Variants in DCC observed in about 807,000 individuals in gnomAD.
DCC encodes DCC netrin 1 receptor, also known as netrin receptor DCC.
In DCC, 58 loss-of-function variants were observed where a neutral mutation model predicts 172.5. The ratio of observed to expected loss-of-function variants is 0.34; its 90% CI spans 0.27 to 0.42. The LOEUF is 0.42. Among genes scored for constraint, DCC ranks in the 10% least tolerant of loss-of-function variants. The pLI, the probability that DCC is intolerant of heterozygous loss-of-function variation, is 1.00. For synonymous variants in DCC, 709 were observed against 644.5 expected, an observed-to-expected ratio of 1.10 and a Z score of -1.52; for missense variants, 1,740 against 1,791.0, an observed-to-expected ratio of 0.97 and a Z score of 0.51.
intron 2 of DCC, among the ~76,000 whole-genome samples, chr18:52,885,358 G>A (rs1205296039): frequency 6.6e-6 from 1 of 151,952 alleles, no homozygotes; most frequent in African/African-American, 2.4e-5. Flanking sequence ...GGTTAAGCTG[G>A]CACTCAAACC....
chr18:53,257,605 T>TCG (rs1236845160), intron 12 of DCC, among the ~76,000 whole-genome samples: 3 of 152,230 alleles, frequency 2.0e-5, no homozygotes, highest in Non-Finnish European at 2.9e-5. Context: ...GCTGCTGGAT[T>TCG]TGGTTTGCCA....
chr18:52,397,433 C>A (rs906572993), intron 1 of DCC, among the ~76,000 whole-genome samples: 1 of 152,184 alleles, frequency 6.6e-6, no homozygotes, highest in Admixed American at 6.6e-5. Flanking sequence ...CATTCGCTGA[C>A]TGCACAGATA....
At chr18:53,157,562 T>G (rs1290891110) in intron 8 of DCC, 50 bp downstream of exon 8, 1 of 1,594,334 alleles carries the variant, frequency 6.3e-7, no homozygotes, top group Non-Finnish European at 8.6e-7. Context: ...TCTCTTTAAG[T>G]CAATACGGTT....
chr18:52,846,144 C>A (rs2145328894), intron 2 of DCC, among the ~76,000 whole-genome samples: 1 of 152,296 alleles, frequency 6.6e-6, no homozygotes, highest in Non-Finnish European at 1.5e-5. Context: ...ATGAACTCCT[C>A]TCACAGGAAG....
chr18:52,358,282 G>C (rs10853619), intron 1 of DCC, among the ~76,000 whole-genome samples: 49,415 of 152,082 alleles, frequency 0.32, 8,611 homozygotes, highest in East Asian at 0.52. Context: ...TGCATTGTCC[G>C]TAAAACTTAA....
chr18:52,862,807 G>C lies in DCC; in HGVS notation c.413-43237G>C, dbSNP rs187891630. 6.1e-4 allele frequency among the ~76,000 whole-genome samples: 93 copies of C among 152,200 alleles called. No homozygotes were observed. In the Middle Eastern group the frequency reaches 0.01, roughly 17 times the overall value. ...CCAAATAATCAAAAGATGGAATAAA[G>C]AAAATATGAGATCAACGGAATCTTT... On this transcript the variant is annotated intron_variant, in intron 2 of 28. Transcript: ENST00000442544.
chr18:53,418,665 C>A (rs1430121781), intron 21 of DCC, among the ~76,000 whole-genome samples: 1 of 152,000 alleles, frequency 6.6e-6, no homozygotes, highest in Non-Finnish European at 1.5e-5. Context: ...GAAAGTGAGA[C>A]CAGTTTTGAT....
chr18:53,035,810 A>G (rs923032591), intron 5 of DCC, among the ~76,000 whole-genome samples: 3 of 152,036 alleles, frequency 2.0e-5, no homozygotes, highest in African/African-American at 7.2e-5. Context: ...ATTGTAGTGT[A>G]TATTTGATCC....
chr18:52,932,390 A>G (rs779912139), intron 5 of DCC, among the ~76,000 whole-genome samples: 1 of 152,150 alleles, frequency 6.6e-6, no homozygotes, highest in Non-Finnish European at 1.5e-5. Flanking sequence ...TGTCTGAATC[A>G]GTGCAGAAAT....
chr18:52,644,030 G>C (rs535631769), intron 1 of DCC, among the ~76,000 whole-genome samples: 2 of 152,156 alleles, frequency 1.3e-5, no homozygotes, highest in African/African-American at 4.8e-5. Flanking sequence ...AAGATGGAAG[G>C]AGTCCATATG....
At position 53,335,653 on chromosome 18, in the gene DCC, T is replaced by G. The variant is rs117490793; in HGVS notation, c.2165-4060T>G. 5.6e-3 allele frequency among the ~76,000 whole-genome samples: 851 copies of G among 152,216 alleles called. 6 individuals carry two copies. Among genetic ancestry groups the G allele is most frequent in the Admixed American group, 0.024 (374 of 15,280 alleles). The stretch of plus-strand genomic sequence containing the variant: ...GAGAATCCATAATTCAATAATATAA[T>G]CAAGAGTGGCAATTGACCTAGTTAT... On this transcript the variant is annotated intron_variant, in intron 14 of 28. Coordinates refer to ENST00000442544, the MANE Select transcript of DCC (RefSeq NM_005215.4).
chr18:53,247,936 A>G (rs2056384343), intron 12 of DCC, among the ~76,000 whole-genome samples: 1 of 151,982 alleles, frequency 6.6e-6, no homozygotes, highest in South Asian at 2.1e-4. Flanking sequence ...CTCTAGTTTC[A>G]TAATTTCTTG....
At chr18:52,800,052 ATAAT>A (rs1889718634) in intron 2 of DCC, among the ~76,000 whole-genome samples, 1 of 152,026 alleles carries the variant, frequency 6.6e-6, no homozygotes, top group African/African-American at 2.4e-5. Context: ...ACTAGTTTAA[ATAAT>A]TTTTCTAAAT....
chr18:53,491,874 G>C (rs1002645062), intron 26 of DCC, among the ~76,000 whole-genome samples: 1 of 152,162 alleles, frequency 6.6e-6, no homozygotes, highest in Non-Finnish European at 1.5e-5. Flanking sequence ...CTAGATTCTT[G>C]AGGAATTGCC....
intron 1 of DCC, among the ~76,000 whole-genome samples, chr18:52,493,516 A>T (rs886989343): frequency 6.6e-6 from 1 of 152,102 alleles, no homozygotes; most frequent in Non-Finnish European, 1.5e-5. Context: ...CAATATTTGC[A>T]TGGTGAATCA....
At chr18:52,740,033 G>C (rs747971014) in intron 1 of DCC, among the ~76,000 whole-genome samples, 1 of 152,142 alleles carries the variant, frequency 6.6e-6, no homozygotes, top group East Asian at 1.9e-4. Flanking sequence ...CTTTTAAGTA[G>C]AGGCATGCAT....
intron 14 of DCC, among the ~76,000 whole-genome samples, chr18:53,334,840 T>C (rs142329840): frequency 6.6e-6 from 1 of 152,306 alleles, no homozygotes; most frequent in African/African-American, 2.4e-5. Flanking sequence ...TATACATTGG[T>C]GGAAACTTTG....
intron 5 of DCC, among the ~76,000 whole-genome samples, chr18:52,972,926 G>T (rs2041053211): frequency 6.6e-6 from 1 of 152,200 alleles, no homozygotes; most frequent in South Asian, 2.1e-4. Flanking sequence ...GGTGCACTGA[G>T]CTGTGCAGTC....
chr18:52,434,186 T>A (rs994349358), intron 1 of DCC, among the ~76,000 whole-genome samples: 1 of 152,230 alleles, frequency 6.6e-6, no homozygotes. Flanking sequence ...ACCTATGTAG[T>A]TAGCTGGCTA....
Sources: allele counts gnomAD v4.1 joint callset (sites outside exome capture counted in the v4.1 genomes callset), GRCh38; gene constraint gnomAD v4.1.1; transcripts MANE v1.5; gene names NCBI Gene and HGNC (gene_info 2026-07-23, HGNC 2026-07-21).